PTPRD: variants seen among roughly 807,000 people sequenced by gnomAD.
PTPRD encodes receptor-type tyrosine-protein phosphatase delta.
A neutral mutation model predicts 214.5 loss-of-function variants in PTPRD; 34 were observed. The ratio of observed to expected loss-of-function variants is 0.16; its 90% confidence interval spans 0.12 to 0.21. The LOEUF (loss-of-function observed/expected upper bound fraction) is 0.21, where lower values mean the gene tolerates loss of function less well. Among genes scored for constraint, PTPRD ranks in the 10% least tolerant of loss-of-function variants. The probability of loss-of-function intolerance (pLI) is 1.00; values close to 1 mark genes in which losing one functional copy is unlikely to be tolerated. For synonymous variants in PTPRD, 1,128 were observed against 845.7 expected (o/e 1.33, Z -5.79); for missense variants, 2,545 against 2,398.7 (o/e 1.06, Z -1.27).
At chr9:10,065,383 G>A (rs2097859015) in intron 3 of PTPRD, among the ~76,000 whole-genome samples, 1 of 151,832 alleles carries the variant, frequency 6.6e-6, no homozygotes, top group South Asian at 2.1e-4. Context: ...AAAACACCAT[G>A]CAGCTTTGTT....
At chr9:9,626,677 T>C (rs763169816) in intron 7 of PTPRD, among the ~76,000 whole-genome samples, 1 of 152,178 alleles carries the variant, frequency 6.6e-6, no homozygotes, top group South Asian at 2.1e-4. Context: ...GTACTGTACA[T>C]ATAATATTTA....
At chr9:8,982,697 A>G (rs937847347) in intron 11 of PTPRD, among the ~76,000 whole-genome samples, 13 of 152,024 alleles carry the variant, frequency 8.6e-5, no homozygotes, top group African/African-American at 3.1e-4. Flanking sequence ...GTTCATTCCT[A>G]TCTGCAAGTT....
At chr9:8,562,102 A>G (rs1259468406) in intron 14 of PTPRD, among the ~76,000 whole-genome samples, 2 of 152,196 alleles carry the variant, frequency 1.3e-5, no homozygotes, top group Non-Finnish European at 2.9e-5. Context: ...GAGATTGAAG[A>G]TGAAGGTATA....
chr9:8,762,952 G>A (rs748917417), intron 11 of PTPRD, among the ~76,000 whole-genome samples: 16 of 152,216 alleles, frequency 1.1e-4, no homozygotes, highest in Non-Finnish European at 2.1e-4. Context: ...TCCTTCCAGC[G>A]TGACACTGAA....
intron 10 of PTPRD, among the ~76,000 whole-genome samples, chr9:9,025,246 G>A (rs2099583089): frequency 6.6e-6 from 1 of 151,944 alleles, no homozygotes; most frequent in African/African-American, 2.4e-5. Flanking sequence ...TTCTAAAGAG[G>A]GAGGCTTTAC....
chr9:9,056,481 A>G (rs1376687935), intron 10 of PTPRD, among the ~76,000 whole-genome samples: 2 of 152,230 alleles, frequency 1.3e-5, no homozygotes, highest in African/African-American at 4.8e-5. Flanking sequence ...TCCTCATCTG[A>G]TCAAGGGAAT....
chr9:10,500,693 C>A (rs2043396959), intron 2 of PTPRD, among the ~76,000 whole-genome samples: 1 of 151,758 alleles, frequency 6.6e-6, no homozygotes, highest in African/African-American at 2.4e-5. Flanking sequence ...TCCCCCCAAC[C>A]CCTCCCCAAC....
chr9:9,916,236 T>A (rs971866949), intron 5 of PTPRD, among the ~76,000 whole-genome samples: 1 of 152,046 alleles, frequency 6.6e-6, no homozygotes, highest in African/African-American at 2.4e-5. Context: ...AAGAGAATTG[T>A]AGCTCTAGAA....
At chr9:8,888,031 G>A (rs530999289) in intron 11 of PTPRD, among the ~76,000 whole-genome samples, 6 of 152,118 alleles carry the variant, frequency 3.9e-5, no homozygotes, top group African/African-American at 7.2e-5. Context: ...AAATAGCTGC[G>A]TTTTTCAATG....
At chr9:10,186,347 T>G (rs945764478) in intron 3 of PTPRD, among the ~76,000 whole-genome samples, 3 of 152,272 alleles carry the variant, frequency 2.0e-5, no homozygotes, top group African/African-American at 4.8e-5. Flanking sequence ...GATTAAATAT[T>G]TTGCAATCTT....
At chr9:8,902,880 T>G (rs138672090) in intron 11 of PTPRD, among the ~76,000 whole-genome samples, 41 of 152,322 alleles carry the variant, frequency 2.7e-4, no homozygotes, top group African/African-American at 9.4e-4. Context: ...TTTCTATTTC[T>G]GTTAAGATTT....
At chr9:8,867,236 C>G (rs1282142110) in intron 11 of PTPRD, among the ~76,000 whole-genome samples, 1 of 151,752 alleles carries the variant, frequency 6.6e-6, no homozygotes, top group Non-Finnish European at 1.5e-5. Context: ...CCTTTCTTTC[C>G]TTCTCTCAGC....
chr9:10,553,067 C>A (rs571565737), intron 2 of PTPRD, among the ~76,000 whole-genome samples: 3 of 152,112 alleles, frequency 2.0e-5, no homozygotes, highest in Non-Finnish European at 4.4e-5. Flanking sequence ...ATTCCCTGAG[C>A]CCATCATAGT....
At chr9:8,527,240 TGACA>T in intron 16 of PTPRD, 101 bp downstream of exon 16, 1 of 1,229,242 alleles carries the variant, frequency 8.1e-7, no homozygotes, top group South Asian at 1.3e-5. Flanking sequence ...GTGTCTACAC[TGACA>T]GTTAGTAAAA....
chr9:9,384,930 A>G (rs2063440025), intron 9 of PTPRD, among the ~76,000 whole-genome samples: 1 of 152,118 alleles, frequency 6.6e-6, no homozygotes, highest in African/African-American at 2.4e-5. Flanking sequence ...TGTTCATAGT[A>G]TCTCTCATAA....
chr9:9,294,812 T>C (rs556623335), intron 9 of PTPRD, among the ~76,000 whole-genome samples: 1 of 151,694 alleles, frequency 6.6e-6, no homozygotes, highest in Non-Finnish European at 1.5e-5. Flanking sequence ...CAAACTAATA[T>C]ACTCCATGTG....
At chr9:9,079,115 G>A (rs993990423) in intron 10 of PTPRD, among the ~76,000 whole-genome samples, 8 of 151,890 alleles carry the variant, frequency 5.3e-5, no homozygotes, top group African/African-American at 1.9e-4. Context: ...GTTAACTATG[G>A]TCATCCTACA....
chr9:9,214,185 C>T (rs2099950662), intron 9 of PTPRD, among the ~76,000 whole-genome samples: 1 of 152,174 alleles, frequency 6.6e-6, no homozygotes, highest in Non-Finnish European at 1.5e-5. Context: ...GACATCAGGC[C>T]TGCTCCAGCT....
intron 9 of PTPRD, among the ~76,000 whole-genome samples, chr9:9,295,212 C>T (rs1952591340): frequency 6.6e-6 from 1 of 151,618 alleles, no homozygotes; most frequent in Admixed American, 6.6e-5. Flanking sequence ...AAAAGTTACC[C>T]TTATTCTAAT....
Sources: allele counts gnomAD v4.1 joint callset (sites outside exome capture counted in the v4.1 genomes callset), GRCh38; gene constraint gnomAD v4.1.1; transcripts MANE v1.5; gene names NCBI Gene and HGNC (gene_info 2026-07-23, HGNC 2026-07-21).